Variants in SEMA3A observed in about 807,000 individuals in gnomAD.
SEMA3A encodes the protein semaphorin 3A, also known as semaphorin-3A.
SEMA3A carries 29 observed loss-of-function variants against 97.9 expected under a neutral mutation model. That is an observed-to-expected ratio of 0.30 (90% CI 0.22 to 0.40). The LOEUF is 0.40. Among genes scored for constraint, SEMA3A ranks in the 10% least tolerant of loss-of-function variants. SEMA3A has a pLI of 1.00. For missense variants in SEMA3A, 763 were observed against 951.3 expected, an observed-to-expected ratio of 0.80 and a Z score of 2.60; for synonymous variants, 321 against 323.7, an observed-to-expected ratio of 0.99 and a Z score of 0.09.
At chr7:84,254,891 A>C (rs959500416) in intron 3 of SEMA3A, among the ~76,000 whole-genome samples, 1 of 152,198 alleles carries the variant, frequency 6.6e-6, no homozygotes, top group Non-Finnish European at 1.5e-5. Flanking sequence ...ATTTATATGA[A>C]GTTAATGAAG....
chr7:84,317,244 C>T (rs1364842832), intron 2 of SEMA3A, among the ~76,000 whole-genome samples: 1 of 152,178 alleles, frequency 6.6e-6, no homozygotes, highest in Non-Finnish European at 1.5e-5. Context: ...TACAGTAAAA[C>T]TGAGAACACT....
At chr7:84,280,003 T>A (rs1414356259) in intron 3 of SEMA3A, among the ~76,000 whole-genome samples, 2 of 152,202 alleles carry the variant, frequency 1.3e-5, no homozygotes, top group Non-Finnish European at 2.9e-5. Context: ...GCTTATGTGA[T>A]CCACCCACCT....
At chr7:84,010,925 C>T in intron 9 of SEMA3A, 97 bp downstream of exon 9, 1 of 817,516 alleles carries the variant, frequency 1.2e-6, no homozygotes, top group South Asian at 1.8e-5. Context: ...GTTAAAGCAA[C>T]ACTTGCCTTT....
At chr7:84,384,578 T>C (rs1803353408) in intron 1 of SEMA3A, among the ~76,000 whole-genome samples, 2 of 152,172 alleles carry the variant, frequency 1.3e-5, no homozygotes, top group African/African-American at 4.8e-5. Flanking sequence ...ACACTGTGGA[T>C]TCCCATGACA....
At chr7:84,376,603 CAAAAAAAAAAAAAA>C (rs60380985) in intron 1 of SEMA3A, among the ~76,000 whole-genome samples, 1 of 36,434 alleles carries the variant, frequency 2.7e-5, no homozygotes, top group Non-Finnish European at 4.8e-5. Flanking sequence ...GACTCCGTCT[CAAAAAAAAAAAAAA>C]AAAAAAAAAA....
chr7:84,324,877 T>C (rs1801734584), intron 2 of SEMA3A, among the ~76,000 whole-genome samples: 1 of 152,130 alleles, frequency 6.6e-6, no homozygotes, highest in South Asian at 2.1e-4. Flanking sequence ...TACTTATTGA[T>C]TGATAAAATG....
intron 4 of SEMA3A, among the ~76,000 whole-genome samples, chr7:84,062,653 G>A (rs1015146894): frequency 6.6e-6 from 1 of 152,222 alleles, no homozygotes; most frequent in Non-Finnish European, 1.5e-5. Context: ...AAAGAAAGGG[G>A]TGACAGACGG....
intron 2 of SEMA3A, among the ~76,000 whole-genome samples, chr7:84,358,396 C>A (rs1283525166): frequency 6.6e-6 from 1 of 152,152 alleles, no homozygotes; most frequent in African/African-American, 2.4e-5. Flanking sequence ...AATAGGGAAT[C>A]CTTTCTCCAT....
chr7:84,229,121 A>C (rs1320723914), intron 3 of SEMA3A, among the ~76,000 whole-genome samples: 2 of 152,054 alleles, frequency 1.3e-5, no homozygotes, highest in Admixed American at 1.3e-4. Flanking sequence ...ACATGGATAT[A>C]GTTTTACAAG....
chr7:84,345,725 T>A (rs1300761497), intron 2 of SEMA3A, among the ~76,000 whole-genome samples: 2 of 152,156 alleles, frequency 1.3e-5, no homozygotes, highest in African/African-American at 2.4e-5. Flanking sequence ...TACTTCTAAT[T>A]CTACTTCTCT....
intron 3 of SEMA3A, among the ~76,000 whole-genome samples, chr7:84,279,202 A>T (rs940533512): frequency 1.2e-4 from 19 of 152,076 alleles, no homozygotes; most frequent in African/African-American, 4.6e-4. Flanking sequence ...AAAGAAATGT[A>T]ACTTTCTAGT....
intron 12 of SEMA3A, among the ~76,000 whole-genome samples, chr7:83,988,119 C>CTA (rs1789713122): frequency 6.6e-6 from 1 of 152,272 alleles, no homozygotes; most frequent in East Asian, 1.9e-4. Flanking sequence ...TCTTCTCATC[C>CTA]TCCAGCCACT....
intron 15 of SEMA3A, among the ~76,000 whole-genome samples, chr7:83,973,216 G>A (rs1450616630): frequency 2.0e-5 from 3 of 152,076 alleles, no homozygotes; most frequent in Non-Finnish European, 2.9e-5. Flanking sequence ...GTAGTTCAAG[G>A]AGTATTTTTT....
intron 4 of SEMA3A, among the ~76,000 whole-genome samples, chr7:84,062,661 C>T (rs532744843): frequency 1.6e-4 from 25 of 152,242 alleles, no homozygotes; most frequent in Middle Eastern, 3.4e-3. Context: ...GGGTGACAGA[C>T]GGCACCTGGA....
intron 1 of SEMA3A, among the ~76,000 whole-genome samples, chr7:84,470,902 T>C (rs1806129340): frequency 6.6e-6 from 1 of 151,972 alleles, no homozygotes; most frequent in Non-Finnish European, 1.5e-5. Context: ...GTAAAGTTAT[T>C]TGGGTCAGAG....
chr7:84,142,070 T>C (rs1330108943), intron 1 of SEMA3A, among the ~76,000 whole-genome samples: 1 of 152,206 alleles, frequency 6.6e-6, no homozygotes, highest in Non-Finnish European at 1.5e-5. Context: ...AATATGCTTA[T>C]AAAGCTTCAA....
intron 3 of SEMA3A, among the ~76,000 whole-genome samples, chr7:84,252,637 T>C (rs1041067227): frequency 2.0e-5 from 3 of 152,176 alleles, no homozygotes; most frequent in African/African-American, 4.8e-5. Context: ...TTGTTACCTA[T>C]ACAGTCATTC....
chr7:84,093,041 A>G (rs1457069759), intron 4 of SEMA3A, among the ~76,000 whole-genome samples: 1 of 152,212 alleles, frequency 6.6e-6, no homozygotes, highest in East Asian at 1.9e-4. Flanking sequence ...TGTCAAATAT[A>G]GAAAATGACT....
intron 14 of SEMA3A, among the ~76,000 whole-genome samples, chr7:83,977,807 T>C (rs1789220318): frequency 6.6e-6 from 1 of 150,506 alleles, no homozygotes; most frequent in East Asian, 1.9e-4. Context: ...TTTCTTTCTT[T>C]CTTTTTTTTT....
Sources: allele counts gnomAD v4.1 joint callset (sites outside exome capture counted in the v4.1 genomes callset), GRCh38; gene constraint gnomAD v4.1.1; transcripts MANE v1.5; gene names NCBI Gene and HGNC (gene_info 2026-07-23, HGNC 2026-07-21).